TBC1D12: variants seen among roughly 807,000 people sequenced by gnomAD.
The protein encoded by TBC1D12 is TBC1 domain family member 12.
A neutral mutation model predicts 86.7 loss-of-function variants in TBC1D12; 56 were observed. That is an observed-to-expected ratio of 0.65 (90% CI 0.52 to 0.81). TBC1D12 has a LOEUF of 0.81. Ranked by LOEUF, TBC1D12 falls within the 30% of genes least tolerant of loss-of-function variation. The probability of loss-of-function intolerance (pLI) is 0.00; values close to 1 mark genes in which losing one functional copy is unlikely to be tolerated. For missense variants in TBC1D12, 1,023 were observed against 1,038.8 expected (o/e 0.98, Z 0.21); for synonymous variants, 421 against 411.7 (o/e 1.02, Z -0.27).
At chr10:94,480,075 C>T (rs553918056) in intron 3 of TBC1D12, among the ~76,000 whole-genome samples, 65 of 152,260 alleles carry the variant, frequency 4.3e-4, no homozygotes, top group Admixed American at 8.5e-4. Context: ...TACTTTGACT[C>T]GGGACTATGG....
intron 10 of TBC1D12, 85 bp from the exon 11 acceptor site, chr10:94,522,259 C>T (rs148924195): frequency 8.9e-5 from 95 of 1,069,728 alleles, no homozygotes; most frequent in Non-Finnish European, 1.1e-4. Context: ...TTAATGAGCA[C>T]GATTTCCTGT....
chr10:94,498,230 G>C (rs1177905117), intron 5 of TBC1D12, among the ~76,000 whole-genome samples: 1 of 152,108 alleles, frequency 6.6e-6, no homozygotes, highest in Non-Finnish European at 1.5e-5. Flanking sequence ...ATTAGAAGAT[G>C]CACTTATTGT....
At chr10:94,500,089 T>G in intron 5 of TBC1D12, 132 bp from the exon 6 acceptor site, 1 of 752,416 alleles carries the variant, frequency 1.3e-6, no homozygotes, top group Non-Finnish European at 2.1e-6. Flanking sequence ...AAGAATGCAT[T>G]ACATACTTAA....
chr10:94,444,832 C>T (rs1004702145), intron 2 of TBC1D12, among the ~76,000 whole-genome samples: 1 of 150,808 alleles, frequency 6.6e-6, no homozygotes, highest in Non-Finnish European at 1.5e-5. Flanking sequence ...CCCGAGTTCA[C>T]GCCGTTCTCC....
chr10:94,508,539 C>G (rs2056489177), intron 7 of TBC1D12: 1 of 151,798 alleles, frequency 6.6e-6, no homozygotes, highest in African/African-American at 2.4e-5. Flanking sequence ...ATCTAGTCTG[C>G]TATTAAATCT....
intron 3 of TBC1D12, among the ~76,000 whole-genome samples, chr10:94,476,523 T>C (rs959564555): frequency 3.9e-5 from 6 of 152,174 alleles, no homozygotes; most frequent in Admixed American, 6.5e-5. Flanking sequence ...GAGACATTTA[T>C]AGGAAAACAA....
intron 4 of TBC1D12, among the ~76,000 whole-genome samples, chr10:94,496,813 C>A (rs183124825): frequency 3.2e-4 from 49 of 152,232 alleles, no homozygotes; most frequent in African/African-American, 1.2e-3. Flanking sequence ...ACCTGAGCAA[C>A]GTGGCGAGAC....
chr10:94,458,324 T>C (rs958541279), intron 2 of TBC1D12, among the ~76,000 whole-genome samples: 1 of 152,154 alleles, frequency 6.6e-6, no homozygotes, highest in Non-Finnish European at 1.5e-5. Flanking sequence ...CAGGATTCTA[T>C]AGAGCGTCCC....
chr10:94,471,118 A>G (rs1260951240), intron 2 of TBC1D12, among the ~76,000 whole-genome samples: 2 of 152,040 alleles, frequency 1.3e-5, no homozygotes, highest in Non-Finnish European at 2.9e-5. Flanking sequence ...TCTATGAAAA[A>G]TACAAAAATT....
At chr10:94,510,229 T>C (rs751205335) in intron 8 of TBC1D12, 50 bp downstream of exon 8, 2 of 1,331,650 alleles carry the variant, frequency 1.5e-6, no homozygotes, top group African/African-American at 3.0e-5. Context: ...TCTATCAATA[T>C]CCAAGGCAAC....
intron 1 of TBC1D12, among the ~76,000 whole-genome samples, chr10:94,424,820 T>C (rs2055126123): frequency 6.6e-6 from 1 of 152,138 alleles, no homozygotes; most frequent in African/African-American, 2.4e-5. Context: ...TGTGGGGGAA[T>C]TCTAATTAAT....
Position 94,506,041 on chromosome 10 carries a change from A to T in TBC1D12, c.1520-1226A>T, listed in dbSNP as rs922063826. Among the ~76,000 whole-genome samples, 11 of 148,478 alleles carry T rather than the reference A, an allele frequency of 7.4e-5. No individual in the cohort carries two copies. In the South Asian group the frequency reaches 1.1e-3, roughly 14 times the overall value. ...TCTACACTATTTTGTACTTTTTGAA[A>T]TTTTTTTTTTTTTTAAACGGAGTCT... On this transcript the variant is annotated intron_variant, in intron 6 of 12. Transcript: ENST00000225235.
At chr10:94,408,197 A>G (rs1490452689) in intron 1 of TBC1D12, among the ~76,000 whole-genome samples, 2 of 152,072 alleles carry the variant, frequency 1.3e-5, no homozygotes, top group Non-Finnish European at 2.9e-5. Flanking sequence ...TTTTTTTCCC[A>G]AGTCTTTATA....
intron 1 of TBC1D12, among the ~76,000 whole-genome samples, chr10:94,413,394 C>A (rs1020524912): frequency 1.3e-5 from 2 of 152,154 alleles, no homozygotes; most frequent in Non-Finnish European, 2.9e-5. Flanking sequence ...GTTGGCATAC[C>A]TTTACCTTTC....
At chr10:94,476,940 C>T (rs895334396) in intron 3 of TBC1D12, among the ~76,000 whole-genome samples, 8 of 152,106 alleles carry the variant, frequency 5.3e-5, no homozygotes, top group Admixed American at 1.3e-4. Context: ...TTCAGCCTTC[C>T]GTTGTATCTA....
intron 1 of TBC1D12, among the ~76,000 whole-genome samples, chr10:94,441,558 A>G (rs1407365488): frequency 1.3e-5 from 2 of 152,090 alleles, no homozygotes; most frequent in Non-Finnish European, 2.9e-5. Flanking sequence ...TGATTCTTCT[A>G]ATACCTCTAT....
At chr10:94,515,736 T>A (rs1232701030) in intron 9 of TBC1D12, among the ~76,000 whole-genome samples, 3 of 152,206 alleles carry the variant, frequency 2.0e-5, no homozygotes, top group Non-Finnish European at 4.4e-5. Context: ...ATACCTATGA[T>A]AAAATTTATT....
chr10:94,526,132 T>A (rs1377499730), intron 11 of TBC1D12, among the ~76,000 whole-genome samples: 1 of 152,176 alleles, frequency 6.6e-6, no homozygotes, highest in East Asian at 1.9e-4. Context: ...TTCTACTTTT[T>A]ACTTTTATGA....
At chr10:94,525,534 GC>G (rs1333939595) in intron 11 of TBC1D12, among the ~76,000 whole-genome samples, 1 of 151,410 alleles carries the variant, frequency 6.6e-6, no homozygotes, top group Non-Finnish European at 1.5e-5. Flanking sequence ...AACCCAGGAG[GC>G]CAAGGTTGCA....
Sources: allele counts gnomAD v4.1 joint callset (sites outside exome capture counted in the v4.1 genomes callset), GRCh38; gene constraint gnomAD v4.1.1; transcripts MANE v1.5; gene names NCBI Gene and HGNC (gene_info 2026-07-23, HGNC 2026-07-21).